The following ZNF407 variants were observed in gnomAD, a reference collection of about 807,000 sequenced individuals.
The protein encoded by ZNF407 is zinc finger protein 407.
ZNF407 carries 17 observed loss-of-function variants against 131.2 expected under a neutral mutation model. That is an observed-to-expected ratio of 0.13 (90% CI 0.09 to 0.19). The LOEUF (loss-of-function observed/expected upper bound fraction) is 0.19. Ranked by LOEUF, ZNF407 falls within the 10% of genes least tolerant of loss-of-function variation. The probability of loss-of-function intolerance (pLI) is 1.00; values close to 1 mark genes in which losing one functional copy is unlikely to be tolerated. For synonymous variants in ZNF407, 1,156 were observed against 1,062.0 expected (o/e 1.09, Z -1.72); for missense variants, 2,681 against 2,830.6 (o/e 0.95, Z 1.20).
intron 8 of ZNF407, among the ~76,000 whole-genome samples, chr18:74,963,394 A>G (rs78539137): frequency 1.1e-3 from 165 of 152,216 alleles, no homozygotes; most frequent in African/African-American, 3.7e-3. Flanking sequence ...AGCTCACTGG[A>G]CCTGCAGGTT....
chr18:74,969,772 C>T (rs1972451232), intron 8 of ZNF407, among the ~76,000 whole-genome samples: 1 of 152,184 alleles, frequency 6.6e-6, no homozygotes, highest in Non-Finnish European at 1.5e-5. Context: ...TAGGAGTATA[C>T]TGCTTATTTT....
chr18:74,773,019 CTGAA>C (rs1380123326), intron 3 of ZNF407, among the ~76,000 whole-genome samples: 4 of 152,086 alleles, frequency 2.6e-5, no homozygotes, highest in Admixed American at 2.0e-4. Flanking sequence ...ACAATCATGA[CTGAA>C]TGTTGGACGT....
At chr18:74,712,598 G>C (rs574098255) in intron 3 of ZNF407, among the ~76,000 whole-genome samples, 1 of 152,342 alleles carries the variant, frequency 6.6e-6, no homozygotes, top group South Asian at 2.1e-4. Context: ...AGAGGAGGCT[G>C]TCTCCCTGGA....
intron 5 of ZNF407, among the ~76,000 whole-genome samples, chr18:74,877,677 A>T (rs1260747758): frequency 3.9e-5 from 6 of 152,194 alleles, no homozygotes; most frequent in African/African-American, 1.4e-4. Context: ...TTTTTAGAAG[A>T]TCTTTATAGA....
At chr18:74,665,315 C>T (rs1357944242) in intron 3 of ZNF407, among the ~76,000 whole-genome samples, 1 of 152,160 alleles carries the variant, frequency 6.6e-6, no homozygotes, top group African/African-American at 2.4e-5. Context: ...GCCCCACTGC[C>T]CTCAGAGCAG....
chr18:75,022,089 T>C (rs940727281), intron 8 of ZNF407, among the ~76,000 whole-genome samples: 1 of 152,088 alleles, frequency 6.6e-6, no homozygotes, highest in Admixed American at 6.6e-5. Context: ...TGGAAAGGTA[T>C]TTATTATAAC....
In ZNF407 at chr18:75,063,242, G is replaced by A. The variant is rs201585648; in HGVS notation, c.5521G>A (p.Glu1841Lys). The change falls in exon 9 of 9, where the codon GAA becomes AAA. Residue 1841 changes from glutamate to lysine, a missense_variant. Glu to Lys is a moderately conservative substitution (Grantham distance 56, BLOSUM62 1). Transcript: ENST00000299687. This position sits in a 1 kb window ranked among gnomAD's most constrained non-coding sequence, Gnocchi z 6.6. ...DSPFTAAALAEEPLVKEKPLR... is the reference protein window; with the variant it reads ...DSPFTAAALAKEPLVKEKPLR... Reference sequence around the variant, plus strand: ...CCCCTTCACCGCGGCGGCCTTGGCAGAAGAGCCCCTCGTCAAGGAGAAGCC... The same window carrying A: ...CCCCTTCACCGCGGCGGCCTTGGCAAAAGAGCCCCTCGTCAAGGAGAAGCC... 6.5e-5 allele frequency: 105 copies of A among 1,613,572 alleles called. No homozygotes were observed. Among genetic ancestry groups the A allele is most frequent in the Non-Finnish European group, 8.8e-5 (104 of 1,179,874 alleles).
At chr18:74,975,653 AG>A (rs1250990889) in intron 8 of ZNF407, among the ~76,000 whole-genome samples, 1 of 152,240 alleles carries the variant, frequency 6.6e-6, no homozygotes, top group Non-Finnish European at 1.5e-5. Flanking sequence ...ATTTCTCTAT[AG>A]ATTACATCTC....
At chr18:74,741,176 T>C (rs982199669) in intron 3 of ZNF407, among the ~76,000 whole-genome samples, 7 of 152,226 alleles carry the variant, frequency 4.6e-5, no homozygotes, top group African/African-American at 1.7e-4. Flanking sequence ...AAAATACATG[T>C]ATGGATGGTG....
At position 74,633,750 on chromosome 18, in the gene ZNF407, G is replaced by A; in HGVS notation, c.2731G>A (p.Ala911Thr). Residue 911 changes from alanine (A) to threonine (T), a missense_variant, in exon 2 of 9, where the codon GCA (alanine) becomes ACA (threonine). Ala to Thr is a moderately conservative substitution (Grantham distance 58). Coordinates refer to ENST00000299687, the MANE Select transcript of ZNF407 (RefSeq NM_017757.3). ...ACATAAAGGACGGGTAGAAATAGAA[G>A]CAAGTGGAAAACACAGTTCAGATAT... ...KKHKGRVEIE[A>T]SGKHSSDIIV... 1 of 1,613,958 alleles carries A rather than the reference G, an allele frequency of 6.2e-7. No homozygotes were observed. The highest frequency in any genetic ancestry group is 8.5e-7 in the Non-Finnish European group (1 of 1,179,890).
intron 4 of ZNF407, among the ~76,000 whole-genome samples, chr18:74,874,141 G>T (rs755084470): frequency 1.1e-4 from 16 of 152,076 alleles, no homozygotes; most frequent in Non-Finnish European, 1.9e-4. Context: ...ACTGCAGATG[G>T]TATTGAAGCC....
chr18:74,719,930 T>G (rs1967988654), intron 3 of ZNF407, among the ~76,000 whole-genome samples: 1 of 152,214 alleles, frequency 6.6e-6, no homozygotes, highest in Non-Finnish European at 1.5e-5. Context: ...ATGTCTTGGC[T>G]ATTGTGAATA....
chr18:74,760,530 C>T (rs1042228686), intron 3 of ZNF407, among the ~76,000 whole-genome samples: 4 of 152,092 alleles, frequency 2.6e-5, no homozygotes, highest in African/African-American at 9.7e-5. Flanking sequence ...GCTCAGACAG[C>T]TATGGTGGTA....
intron 1 of ZNF407, among the ~76,000 whole-genome samples, chr18:74,620,527 AT>A (rs1477523798): frequency 2.2e-5 from 1 of 44,682 alleles, no homozygotes; most frequent in Non-Finnish European, 6.2e-5. Flanking sequence ...TGTTTGAAAT[AT>A]AACATGTGTG....
At chr18:74,926,995 A>T (rs1042048101) in intron 8 of ZNF407, among the ~76,000 whole-genome samples, 1 of 152,112 alleles carries the variant, frequency 6.6e-6, no homozygotes, top group African/African-American at 2.4e-5. Context: ...AGTGACCCAA[A>T]TGGTTGTTAT....
rs1973699117 is a variant in ZNF407, at chr18:75,065,243, T to G, written c.*775T>G. 6.6e-6 allele frequency: 1 copy of G among 152,292 alleles called. No homozygotes were observed. The highest frequency in any genetic ancestry group is 2.4e-5 in the African/African-American group (1 of 41,470). 9.4% of individuals were successfully genotyped at this position (152,292 alleles called of 1,614,324 possible). On this transcript the variant is annotated 3_prime_UTR_variant, in exon 9 of 9. Transcript: ENST00000299687. Reference sequence around the variant, plus strand: ...CTAATTTTGACTTAGTTTCATACAGTAAAGCCTAAATGTGAAACGCACACG... The same window carrying G: ...CTAATTTTGACTTAGTTTCATACAGGAAAGCCTAAATGTGAAACGCACACG...
chr18:74,968,266 T>C (rs1270279650), intron 8 of ZNF407, among the ~76,000 whole-genome samples: 2 of 152,226 alleles, frequency 1.3e-5, no homozygotes, highest in East Asian at 3.9e-4. Context: ...CTCACTTCCA[T>C]TTAGGGACCT....
intron 4 of ZNF407, among the ~76,000 whole-genome samples, chr18:74,801,280 ATTAATT>A (rs1182411449): frequency 2.0e-5 from 3 of 152,200 alleles, no homozygotes; most frequent in Non-Finnish European, 2.9e-5. Context: ...GGTATATGAG[ATTAATT>A]TTATAAATCA....
Position 74,631,978 on chromosome 18 carries a change from T to C in ZNF407, c.959T>C (p.Leu320Ser), listed in dbSNP as rs1984118671. Reference sequence around the variant, plus strand: ...GCAAAGAATAGTGATTCAAAAGGATTACGAAATGTGGGAAGCACGTTTAAA... The same window carrying C: ...GCAAAGAATAGTGATTCAAAAGGATCACGAAATGTGGGAAGCACGTTTAAA... Reference protein sequence around the residue: ...SIAKNSDSKGLRNVGSTFKDF... With the variant: ...SIAKNSDSKGSRNVGSTFKDF... The change falls in exon 2 of 9, where the codon TTA becomes TCA. Residue 320 changes from leucine to serine, a missense_variant. Physicochemically the swap from Leu to Ser is moderately radical, Grantham distance 145. Coordinates refer to ENST00000299687, the MANE Select transcript of ZNF407 (RefSeq NM_017757.3). 2 of 1,613,874 alleles carry C rather than the reference T, an allele frequency of 1.2e-6. No individual in the cohort carries two copies. The highest frequency in any genetic ancestry group is 2.7e-5 in the African/African-American group (2 of 74,944).
Sources: gnomAD v4.1 joint callset for allele counts (sites outside exome capture counted in the v4.1 genomes callset) on GRCh38, gnomAD v4.1.1 for gene constraint, Gnocchi (gnomAD v3.1) non-coding constraint, MANE v1.5 for transcripts, NCBI Gene and HGNC (gene_info 2026-07-23, HGNC 2026-07-21) for gene names.